The following GOLGA4 variants were observed in gnomAD, a reference collection of about 807,000 sequenced individuals.
The protein encoded by GOLGA4 is golgin subfamily A member 4.
A neutral mutation model predicts 265.9 loss-of-function variants in GOLGA4; 169 were observed. That is an observed-to-expected ratio of 0.64 (90% CI 0.56 to 0.72). The LOEUF is 0.72. Among genes scored for constraint, GOLGA4 ranks in the 30% least tolerant of loss-of-function variants. The pLI is 0.00. For missense variants in GOLGA4, 2,482 were observed against 2,483.4 expected (o/e 1.00, Z 0.01); for synonymous variants, 923 against 855.8 (o/e 1.08, Z -1.37).
intron 12 of GOLGA4, 33 bp from the exon 13 acceptor site, chr3:37,321,698 C>G: frequency 6.4e-7 from 1 of 1,571,000 alleles, no homozygotes; most frequent in Middle Eastern, 1.7e-4. Flanking sequence ...GATTTATGTG[C>G]GTTTAAGGTG....
intron 16 of GOLGA4, among the ~76,000 whole-genome samples, chr3:37,332,180 C>T (rs1033888775): frequency 1.2e-4 from 19 of 152,224 alleles, no homozygotes; most frequent in Admixed American, 9.8e-4. Flanking sequence ...GATACCTCGT[C>T]TAGTTTGGTC....
intron 2 of GOLGA4, among the ~76,000 whole-genome samples, chr3:37,260,389 A>T (rs1414522363): frequency 6.6e-5 from 10 of 150,626 alleles, no homozygotes; most frequent in Non-Finnish European, 1.3e-4. Context: ...AGGAAGGCCG[A>T]GTAGGGTGGA....
rs940214321 is a variant in GOLGA4, at chr3:37,243,486, C to G, written c.-65C>G. On this transcript the variant is annotated 5_prime_UTR_variant, in exon 1 of 24. Coordinates refer to ENST00000361924, the MANE Select transcript of GOLGA4 (RefSeq NM_002078.5). ...AAGAAGTCGCCGTAGCCGTCGCGGC[C>G]GGGACTCCCCGGGCTCTCGCCCTTC... is the stretch of plus-strand genomic sequence containing the variant. 4 of 1,434,104 alleles carry G rather than the reference C, an allele frequency of 2.8e-6. No homozygotes were observed. The highest frequency in any genetic ancestry group is 2.8e-5 in the African/African-American group (2 of 71,444). The allele number at this position is 1,434,104 out of a possible 1,614,324, so 88.8% of individuals were successfully genotyped here. A position where few individuals can be genotyped will look rare whatever the true frequency, so the allele number is the denominator to read the frequency against.
intron 5 of GOLGA4, among the ~76,000 whole-genome samples, chr3:37,293,549 A>G (rs2096870387): frequency 6.6e-6 from 1 of 152,238 alleles, no homozygotes; most frequent in Non-Finnish European, 1.5e-5. Flanking sequence ...GTGACTTTGA[A>G]TATTTTGAGT....
intron 16 of GOLGA4, among the ~76,000 whole-genome samples, chr3:37,331,973 G>T (rs1309271982): frequency 6.6e-6 from 1 of 152,112 alleles, no homozygotes; most frequent in Non-Finnish European, 1.5e-5. Context: ...GAACTCCACT[G>T]CTGCCACCAC....
intron 22 of GOLGA4, 87 bp from the exon 23 acceptor site, chr3:37,361,156 T>A: frequency 2.9e-6 from 3 of 1,026,576 alleles, no homozygotes; most frequent in Non-Finnish European, 4.6e-6. Flanking sequence ...TCTGTAATCC[T>A]ATGAACTTCA....
rs2096894813 is a variant in GOLGA4 at position 37,302,204 on chromosome 3, C to A, written c.1106C>A (p.Thr369Lys). Residue 369 changes from threonine (T) to lysine (K), a missense_variant, in exon 10 of 24, where the codon ACA becomes AAA. Thr to Lys is a moderately conservative substitution (Grantham distance 78). This residue lies in a region of GOLGA4 where 1,536 missense variants were observed against 1,483.7 expected (regional missense o/e 1.04). Transcript: ENST00000361924. ...EQDKGMVIAETKRQMHETLEM... is the reference protein window; with the variant it reads ...EQDKGMVIAEKKRQMHETLEM... The stretch of plus-strand genomic sequence containing the variant: ...ATTCAGGGAATGGTAATCGCAGAGA[C>A]AAAACGTCAGATGCATGAAACCCTG... 6 of 1,613,342 alleles carry A rather than the reference C, an allele frequency of 3.7e-6. No individual in the cohort carries two copies. The highest frequency in any genetic ancestry group is 4.2e-6 in the Non-Finnish European group (5 of 1,179,478).
chr3:37,288,267 A>G (rs1050643754), intron 4 of GOLGA4, among the ~76,000 whole-genome samples: 2 of 144,898 alleles, frequency 1.4e-5, no homozygotes, highest in African/African-American at 5.1e-5. Flanking sequence ...ATGCCCGGCT[A>G]ATTTTTGAAT....
chr3:37,329,004 CAAG>C lies in GOLGA4; in HGVS notation c.6108_6110del (p.Glu2037del). On this transcript the variant is annotated inframe_deletion, in exon 16 of 24. Coordinates refer to ENST00000361924, the MANE Select transcript of GOLGA4 (RefSeq NM_002078.5). ...GGAGGCTGAACTTTTAGAAAGCCAT[CAAG>C]AAGAGACAAATCAGTTACTTAAAAA... is the stretch of plus-strand genomic sequence containing the variant. 1 of 1,609,562 alleles carries C rather than the reference CAAG, an allele frequency of 6.2e-7. No individual in the cohort carries two copies. Among genetic ancestry groups the C allele is most frequent in the African/African-American group, 1.3e-5 (1 of 74,744 alleles).
chr3:37,249,652 T>C (rs1238727394), intron 1 of GOLGA4: 2 of 152,242 alleles, frequency 1.3e-5, no homozygotes, highest in African/African-American at 4.8e-5. Context: ...CTTCTGCACA[T>C]AGCTAATTTC....
intron 2 of GOLGA4, among the ~76,000 whole-genome samples, chr3:37,258,442 C>T (rs982394497): frequency 6.6e-6 from 1 of 152,014 alleles, no homozygotes; most frequent in Non-Finnish European, 1.5e-5. Context: ...ATTCTCCTGC[C>T]TCAGCCTCCT....
At chr3:37,292,098 G>A (rs545585639) in intron 5 of GOLGA4, among the ~76,000 whole-genome samples, 1 of 152,242 alleles carries the variant, frequency 6.6e-6, no homozygotes, top group East Asian at 1.9e-4. Flanking sequence ...AGGACTTTTT[G>A]TCTAGATGAG....
At chr3:37,362,205 AT>A (rs891795487) in intron 23 of GOLGA4, among the ~76,000 whole-genome samples, 15 of 31,626 alleles carry the variant, frequency 4.7e-4, no homozygotes, top group Middle Eastern at 0.042. Flanking sequence ...GCTTTTATTT[AT>A]TTATTTATTT....
rs2096982641 is a variant in GOLGA4 at position 37,329,321 on chromosome 3, C to T, written c.6192+228C>T. The T allele has an allele frequency of 1.2e-5, 4 of 332,490 alleles. No homozygotes were observed. The South Asian group carries it at 1.8e-4, about 15-fold the overall frequency. 20.6% of individuals were successfully genotyped at this position (332,490 alleles called of 1,614,324 possible). A position where few individuals can be genotyped will look rare whatever the true frequency, so the allele number is the denominator to read the frequency against. On this transcript the variant is annotated intron_variant, in intron 16 of 23. Transcript: ENST00000361924. ...ATTCTGCTAACTAGGCAGCACAGTC[C>T]CCTTGCTAGTATTGAAGCAACAGTA...
chr3:37,339,601 CGTT>C (rs974971923), intron 19 of GOLGA4, among the ~76,000 whole-genome samples: 4 of 152,298 alleles, frequency 2.6e-5, no homozygotes, highest in African/African-American at 9.6e-5. Context: ...AGTGATACCT[CGTT>C]GTGGTTTTAA....
At chr3:37,281,879 G>C (rs557723083) in intron 2 of GOLGA4, 79 bp from the exon 3 acceptor site, 2 of 950,636 alleles carry the variant, frequency 2.1e-6, no homozygotes. Context: ...ACTTTTATTA[G>C]ATTATTGCTG....
intron 1 of GOLGA4, among the ~76,000 whole-genome samples, chr3:37,251,032 A>G (rs770513173): frequency 1.3e-4 from 20 of 152,144 alleles, no homozygotes; most frequent in African/African-American, 1.9e-4. Flanking sequence ...TGGTTTATAG[A>G]AAAGTTCTAA....
At chr3:37,282,304 A>G (rs2096836975) in intron 3 of GOLGA4, 32 bp downstream of exon 3, 3 of 1,534,440 alleles carry the variant, frequency 2.0e-6, no homozygotes, top group Non-Finnish European at 2.7e-6. Flanking sequence ...CTGTACAAAA[A>G]TTTCTTCCCC....
At chr3:37,330,273 A>C (rs1265349860) in intron 16 of GOLGA4, among the ~76,000 whole-genome samples, 1 of 152,136 alleles carries the variant, frequency 6.6e-6, no homozygotes, top group Non-Finnish European at 1.5e-5. Flanking sequence ...AAAACTACAT[A>C]GTGGTAGAGC....
Sources: allele counts gnomAD v4.1 joint callset (sites outside exome capture counted in the v4.1 genomes callset), GRCh38; gene constraint gnomAD v4.1.1; regional missense constraint gnomAD v4.1.1; transcripts MANE v1.5; gene names NCBI Gene and HGNC (gene_info 2026-07-23, HGNC 2026-07-21).